The following G2E3 variants were observed in gnomAD, a reference collection of about 807,000 sequenced individuals.
The protein encoded by G2E3 is G2/M-phase specific E3 ubiquitin protein ligase.
G2E3 carries 35 observed loss-of-function variants against 92.8 expected under a neutral mutation model. That is an observed-to-expected ratio of 0.38 (90% CI 0.29 to 0.50). The LOEUF (loss-of-function observed/expected upper bound fraction) is 0.50, where lower values mean the gene tolerates loss of function less well. Among genes scored for constraint, G2E3 ranks in the 20% least tolerant of loss-of-function variants. G2E3 has a pLI of 0.94. For missense variants in G2E3, 554 were observed against 823.8 expected, an observed-to-expected ratio of 0.67 and a Z score of 4.01; for synonymous variants, 242 against 272.4, an observed-to-expected ratio of 0.89 and a Z score of 1.10.
chr14:30,604,913 T>C (rs1214613591), intron 10 of G2E3, among the ~76,000 whole-genome samples: 2 of 151,948 alleles, frequency 1.3e-5, no homozygotes. Context: ...CATTCATTTA[T>C]GAGACGGAGT....
rs1373219853 is a variant in G2E3 at position 30,589,607 on chromosome 14, T to C, written c.237+123T>C. On this transcript the variant is annotated intron_variant, in intron 4 of 14. Coordinates refer to ENST00000206595, the MANE Select transcript of G2E3 (RefSeq NM_017769.5). ...ATTATAGGTTTCAATGCATATTTTG[T>C]CATTTAAATATGGTAAGTTTTAGGA... is the stretch of plus-strand genomic sequence containing the variant. 8 of 589,816 alleles carry C rather than the reference T, an allele frequency of 1.4e-5. No homozygotes were observed. The East Asian group carries it at 2.2e-4, about 16-fold the overall frequency. The allele number at this position is 589,816 out of a possible 1,614,324, so 36.5% of individuals were successfully genotyped here.
intron 1 of G2E3, among the ~76,000 whole-genome samples, chr14:30,574,352 C>T (rs901019145): frequency 2.6e-5 from 4 of 152,006 alleles, no homozygotes; most frequent in Non-Finnish European, 5.9e-5. Flanking sequence ...TTTTATTCCC[C>T]AGTGCAGGAT....
chr14:30,563,721 G>C, intron 1 of G2E3, among the ~76,000 whole-genome samples: 1 of 146,974 alleles, frequency 6.8e-6, no homozygotes, highest in African/African-American at 2.5e-5. Flanking sequence ...GTGTGTGTGT[G>C]TGTGTGTGTG....
intron 1 of G2E3, among the ~76,000 whole-genome samples, chr14:30,567,547 C>T (rs1367868101): frequency 6.6e-6 from 1 of 151,278 alleles, no homozygotes; most frequent in Non-Finnish European, 1.5e-5. Context: ...TCTTTTTTTT[C>T]TCTGGGTCAT....
At chr14:30,607,858 T>C (rs779178280) in intron 11 of G2E3, 30 bp from the exon 12 acceptor site, 22 of 1,199,070 alleles carry the variant, frequency 1.8e-5, no homozygotes, top group Non-Finnish European at 2.6e-5. Flanking sequence ...AATAGAAGTG[T>C]ATTTGATATA....
intron 2 of G2E3, among the ~76,000 whole-genome samples, chr14:30,584,173 T>C (rs1267620438): frequency 6.6e-6 from 1 of 152,242 alleles, no homozygotes; most frequent in Non-Finnish European, 1.5e-5. Context: ...ATAATATTTC[T>C]AGGTTTATTC....
chr14:30,615,309 A>T (rs774570326), intron 13 of G2E3, 40 bp from the exon 14 acceptor site: 1 of 1,003,454 alleles, frequency 1.0e-6, no homozygotes, highest in South Asian at 1.7e-5. Context: ...TACCAAACAC[A>T]CATGTATGAA....
At chr14:30,599,523 G>A (rs984126515) in intron 8 of G2E3, among the ~76,000 whole-genome samples, 1 of 152,014 alleles carries the variant, frequency 6.6e-6, no homozygotes, top group Non-Finnish European at 1.5e-5. Context: ...CACTGCGCTC[G>A]GCCATAATTA....
intron 14 of G2E3, 100 bp from the exon 15 acceptor site, chr14:30,616,178 A>T: frequency 3.8e-6 from 3 of 782,194 alleles, no homozygotes; most frequent in Non-Finnish European, 4.3e-6. Context: ...TGTGCCTTTC[A>T]GTATTCCAAG....
intron 11 of G2E3, 101 bp downstream of exon 11, chr14:30,605,913 A>G (rs1594507294): frequency 3.5e-6 from 2 of 564,490 alleles, no homozygotes; most frequent in Non-Finnish European, 6.0e-6. Context: ...TGCTCTAAAT[A>G]TACTGTTCAC....
At chr14:30,608,780 A>G (rs562442852) in intron 12 of G2E3, among the ~76,000 whole-genome samples, 1 of 152,350 alleles carries the variant, frequency 6.6e-6, no homozygotes, top group South Asian at 2.1e-4. Flanking sequence ...AGCATATTCT[A>G]TCCATTGTCT....
chr14:30,591,809 G>A (rs143375316), intron 4 of G2E3, among the ~76,000 whole-genome samples: 17 of 152,266 alleles, frequency 1.1e-4, no homozygotes, highest in African/African-American at 3.8e-4. Flanking sequence ...CACAGGTACT[G>A]GGAGTCGGGA....
At chr14:30,569,633 A>C (rs1879639671) in intron 1 of G2E3, among the ~76,000 whole-genome samples, 1 of 152,174 alleles carries the variant, frequency 6.6e-6, no homozygotes, top group Admixed American at 6.5e-5. Flanking sequence ...TGCTTTAAGA[A>C]GGGTACTTTG....
At chr14:30,586,624 A>G (rs1880725379) in intron 2 of G2E3, 94 bp from the exon 3 acceptor site, 5 of 504,014 alleles carry the variant, frequency 9.9e-6, no homozygotes, top group Non-Finnish European at 1.8e-5. Context: ...CTCAGAAAGA[A>G]TTTAACACAG....
intron 1 of G2E3, chr14:30,560,983 C>T: frequency 1.7e-6 from 1 of 597,406 alleles, no homozygotes; most frequent in South Asian, 2.0e-5. Context: ...GCTAGGTGAC[C>T]CTGGGCAAGC....
chr14:30,602,499 A>T (rs1363149398), intron 10 of G2E3, among the ~76,000 whole-genome samples: 1 of 152,230 alleles, frequency 6.6e-6, no homozygotes, highest in Admixed American at 6.5e-5. Flanking sequence ...TGGTCTGGAA[A>T]ATGTACTTAA....
chr14:30,569,298 C>G (rs1453310703), intron 1 of G2E3, among the ~76,000 whole-genome samples: 2 of 152,170 alleles, frequency 1.3e-5, no homozygotes, highest in Non-Finnish European at 2.9e-5. Flanking sequence ...ACCCTTCCTT[C>G]TCTCCATCGA....
intron 6 of G2E3, among the ~76,000 whole-genome samples, chr14:30,595,969 T>C (rs1252136443): frequency 6.6e-6 from 1 of 152,148 alleles, no homozygotes; most frequent in African/African-American, 2.4e-5. Flanking sequence ...CCATGTGTCT[T>C]ATCCTGTTTT....
chr14:30,582,592 A>G (rs2138822691), intron 2 of G2E3, among the ~76,000 whole-genome samples: 1 of 152,316 alleles, frequency 6.6e-6, no homozygotes, highest in South Asian at 2.1e-4. Context: ...AATTCTACAT[A>G]ATTCTCTTTC....
Sources: allele counts gnomAD v4.1 joint callset (sites outside exome capture counted in the v4.1 genomes callset), GRCh38; gene constraint gnomAD v4.1.1; transcripts MANE v1.5; gene names NCBI Gene and HGNC (gene_info 2026-07-23, HGNC 2026-07-21).